The following TNRC6C variants were observed in gnomAD, a reference collection of about 807,000 sequenced individuals.
TNRC6C encodes the protein trinucleotide repeat containing adaptor 6C, also known as trinucleotide repeat-containing gene 6C protein.
TNRC6C carries 20 observed loss-of-function variants against 153.7 expected under a neutral mutation model. That is an observed-to-expected ratio of 0.13 (90% confidence interval 0.09 to 0.19). The LOEUF (loss-of-function observed/expected upper bound fraction) is 0.19. Among genes scored for constraint, TNRC6C ranks in the 10% least tolerant of loss-of-function variants. The probability of loss-of-function intolerance (pLI) is 1.00; values close to 1 mark genes in which losing one functional copy is unlikely to be tolerated. For synonymous variants in TNRC6C, 811 were observed against 841.4 expected, an observed-to-expected ratio of 0.96 and a Z score of 0.63; for missense variants, 1,987 against 2,172.0, an observed-to-expected ratio of 0.91 and a Z score of 1.69.
exon 6 of TNRC6C, chr17:78,071,140 A>G: frequency 4.4e-6 from 7 of 1,606,178 alleles, no homozygotes; most frequent in Non-Finnish European, 6.0e-6. Flanking sequence ...CGGCTGATCA[A>G]ACAACTCACA....
intron 2 of TNRC6C, among the ~76,000 whole-genome samples, chr17:78,046,718 T>G (rs2072418996): frequency 6.6e-6 from 1 of 152,228 alleles, no homozygotes; most frequent in Admixed American, 6.5e-5. Flanking sequence ...GAAGTTTTGC[T>G]TTTCCTAATT....
intron 14 of TNRC6C, among the ~76,000 whole-genome samples, chr17:78,091,975 A>G (rs1479561910): frequency 2.6e-5 from 4 of 152,224 alleles, no homozygotes; most frequent in East Asian, 3.9e-4. Flanking sequence ...TACAGTATGT[A>G]TGGGAACTGC....
At chr17:78,093,077 C>A in exon 15 of TNRC6C, 1 of 1,613,562 alleles carries the variant, frequency 6.2e-7, no homozygotes, top group Non-Finnish European at 8.5e-7. Context: ...CGTGCCAAAT[C>A]TGACAGTGAT....
chr17:78,045,168 G>A (rs184768624), intron 2 of TNRC6C, among the ~76,000 whole-genome samples: 84 of 152,296 alleles, frequency 5.5e-4, no homozygotes, highest in African/African-American at 1.9e-3. Flanking sequence ...AGGGGGCATG[G>A]GAAGAGACCT....
At chr17:78,047,708 C>T (rs182534722) in intron 2 of TNRC6C, among the ~76,000 whole-genome samples, 60 of 152,154 alleles carry the variant, frequency 3.9e-4, no homozygotes, top group African/African-American at 1.3e-3. Context: ...TATTTTATTG[C>T]AGTTTATTTG....
chr17:78,013,455 A>ACTAACTGAG (rs1485093718), intron 1 of TNRC6C, among the ~76,000 whole-genome samples: 1 of 152,174 alleles, frequency 6.6e-6, no homozygotes, highest in East Asian at 1.9e-4. Flanking sequence ...GAACTTAGAA[A>ACTAACTGAG]CTAACTGAGC....
chr17:78,039,316 C>A lies in TNRC6C; in HGVS notation c.-219+7474C>A, dbSNP rs548444660. On this transcript the variant is annotated intron_variant, in intron 2 of 19. Coordinates refer to ENST00000301624, the Ensembl canonical transcript of TNRC6C. ...ACAGCAATTTCAAATCTTGCCCCCC[C>A]CCCCCACTCCCTACCTCTTACCAGG... Among the ~76,000 whole-genome samples, 136 of 147,980 alleles carry A rather than the reference C, an allele frequency of 9.2e-4. 1 individual carries two copies. Among genetic ancestry groups the A allele is most frequent in the African/African-American group, 3.1e-3 (120 of 38,866 alleles).
chr17:78,045,234 G>A (rs954586402), intron 2 of TNRC6C, among the ~76,000 whole-genome samples: 1 of 152,150 alleles, frequency 6.6e-6, no homozygotes, highest in Non-Finnish European at 1.5e-5. Flanking sequence ...TGGAACAGGG[G>A]CAGTCAGAGG....
chr17:77,993,041 C>T (rs1472371489), intron 1 of TNRC6C, among the ~76,000 whole-genome samples: 1 of 152,156 alleles, frequency 6.6e-6, no homozygotes, highest in Non-Finnish European at 1.5e-5. Flanking sequence ...ACTTGGCTCA[C>T]TGCAACCTCC....
chr17:78,076,830 A>G (rs1186383056), intron 8 of TNRC6C, among the ~76,000 whole-genome samples: 1 of 152,232 alleles, frequency 6.6e-6, no homozygotes, highest in African/African-American at 2.4e-5. Context: ...ATGTACACCT[A>G]GAGCTTTGGT....
At chr17:78,062,082 TA>T (rs1210802528) in intron 3 of TNRC6C, among the ~76,000 whole-genome samples, 1 of 152,218 alleles carries the variant, frequency 6.6e-6, no homozygotes, top group East Asian at 1.9e-4. Flanking sequence ...AAAACCTTGA[TA>T]ATTTTTATTA....
At chr17:78,099,231 C>T (rs535385544) in intron 17 of TNRC6C, among the ~76,000 whole-genome samples, 2 of 152,190 alleles carry the variant, frequency 1.3e-5, no homozygotes, top group East Asian at 3.9e-4. Context: ...TGGCTCAAGC[C>T]CAGGAGATTG....
intron 1 of TNRC6C, among the ~76,000 whole-genome samples, chr17:78,014,481 G>C (rs1484865360): frequency 6.6e-6 from 1 of 151,918 alleles, no homozygotes; most frequent in African/African-American, 2.4e-5. Context: ...AAAGAACTTA[G>C]ATGTGCTTGC....
intron 1 of TNRC6C, among the ~76,000 whole-genome samples, chr17:78,024,523 C>T (rs1216849864): frequency 1.3e-5 from 2 of 151,930 alleles, no homozygotes; most frequent in Non-Finnish European, 2.9e-5. Context: ...CCTGCCACCA[C>T]GCCCGGCTAA....
chr17:78,098,201 G>T, intron 16 of TNRC6C, 142 bp from the exon 20 acceptor site: 2 of 863,238 alleles, frequency 2.3e-6, no homozygotes, highest in Non-Finnish European at 3.4e-6. Context: ...ACTTGAGTTT[G>T]CCAGGGGCTT....
At chr17:78,005,858 A>G (rs2071486865) in intron 1 of TNRC6C, among the ~76,000 whole-genome samples, 1 of 152,118 alleles carries the variant, frequency 6.6e-6, no homozygotes, top group African/African-American at 2.4e-5. Flanking sequence ...TTGTCAATTC[A>G]AAATAAAATG....
chr17:78,041,240 G>A (rs908975384), intron 2 of TNRC6C: 2 of 152,228 alleles, frequency 1.3e-5, no homozygotes, highest in African/African-American at 2.4e-5. Flanking sequence ...TGGTAGCCCG[G>A]CGTCCCTAAG....
At chr17:78,034,994 G>C (rs2072151287) in intron 2 of TNRC6C, among the ~76,000 whole-genome samples, 3 of 152,100 alleles carry the variant, frequency 2.0e-5, no homozygotes, top group Admixed American at 2.0e-4. Flanking sequence ...TGACTAAGCA[G>C]AATGGGAAAA....
intron 1 of TNRC6C, among the ~76,000 whole-genome samples, chr17:77,990,155 T>A (rs544954195): frequency 6.6e-6 from 1 of 152,326 alleles, no homozygotes; most frequent in African/African-American, 2.4e-5. Context: ...CCACTTCTGT[T>A]CATTTTGTCT....
Sources: gnomAD v4.1 joint callset for allele counts (sites outside exome capture counted in the v4.1 genomes callset) on GRCh38, gnomAD v4.1.1 for gene constraint, MANE v1.5 for transcripts, NCBI Gene and HGNC (gene_info 2026-07-23, HGNC 2026-07-21) for gene names.